Variants in CWC22 observed in about 807,000 individuals in gnomAD.
CWC22 encodes the protein pre-mRNA-splicing factor CWC22 homolog.
Under a neutral mutation model 117.2 loss-of-function variants are expected in CWC22, and 53 were observed. That is an observed-to-expected ratio of 0.45 (90% CI 0.36 to 0.57). The LOEUF (loss-of-function observed/expected upper bound fraction) is 0.57. Among genes scored for constraint, CWC22 ranks in the 20% least tolerant of loss-of-function variants. The pLI is 0.00. For synonymous variants in CWC22, 360 were observed against 355.6 expected (o/e 1.01, Z -0.14); for missense variants, 980 against 1,068.8 (o/e 0.92, Z 1.16).
chr2:179,980,481 G>A lies in CWC22; in HGVS notation c.452+1271C>T, dbSNP rs1024593153. On this transcript the variant is annotated intron_variant, in intron 5 of 19. Coordinates refer to ENST00000410053, the MANE Select transcript of CWC22 (RefSeq NM_020943.3). ...TGCCCAGGCTGGAGTGCAGTGGTGCGATCTCGGCTCACTGCAAGCTCCGCC... is the reference window on the plus strand; with the variant it reads ...TGCCCAGGCTGGAGTGCAGTGGTGCAATCTCGGCTCACTGCAAGCTCCGCC... Among the ~76,000 whole-genome samples the A allele has an allele frequency of 5.4e-5, 8 of 148,178 alleles. No homozygotes were observed. In the East Asian group the frequency reaches 5.9e-4, roughly 11 times the overall value.
At chr2:179,946,512 C>G (rs1422722636) in intron 19 of CWC22, among the ~76,000 whole-genome samples, 1 of 147,688 alleles carries the variant, frequency 6.8e-6, no homozygotes, top group East Asian at 2.0e-4. Flanking sequence ...TATATAATAT[C>G]TCAACATTAG....
intron 13 of CWC22, 118 bp from the exon 14 acceptor site, chr2:179,959,200 G>A (rs751912322): frequency 3.5e-5 from 23 of 654,238 alleles, no homozygotes; most frequent in Non-Finnish European, 5.6e-5. Flanking sequence ...ATTTCATATT[G>A]TTGTACTGTG....
At position 179,946,558 on chromosome 2, in the gene CWC22, C is replaced by T. The variant is rs145739191; in HGVS notation, c.2141-843G>A. On this transcript the variant is annotated intron_variant, in intron 19 of 19. Transcript: ENST00000410053. ...ACTGTTTTGATCTCGAGATTTAAGA[C>T]AGTAAACAGAAATTTTATAGCAAAT... Among the ~76,000 whole-genome samples, 861 of 150,462 alleles carry T rather than the reference C, an allele frequency of 5.7e-3. 7 individuals are homozygous for T. Among genetic ancestry groups the T allele is most frequent in the African/African-American group, 0.02 (797 of 40,840 alleles).
At chr2:179,946,482 A>AGGGGGGG (rs1686306320) in intron 19 of CWC22, among the ~76,000 whole-genome samples, 1 of 59,534 alleles carries the variant, frequency 1.7e-5, no homozygotes, top group South Asian at 6.3e-4. Context: ...GGGGAAGGGG[A>AGGGGGGG]GGGGAGGGAG....
At chr2:179,953,975 A>G (rs1479689145) in intron 16 of CWC22, among the ~76,000 whole-genome samples, 1 of 152,096 alleles carries the variant, frequency 6.6e-6, no homozygotes. Context: ...TCACTATCGA[A>G]ACACTGGCAT....
intron 5 of CWC22, among the ~76,000 whole-genome samples, chr2:179,978,857 C>T (rs549328905): frequency 7.0e-6 from 1 of 143,042 alleles, no homozygotes; most frequent in African/African-American, 2.5e-5. Flanking sequence ...AATCATGGGG[C>T]TGAATTACCT....
chr2:179,968,010 G>A (rs112111221), intron 11 of CWC22, among the ~76,000 whole-genome samples: 9 of 152,270 alleles, frequency 5.9e-5, no homozygotes, highest in African/African-American at 1.7e-4. Flanking sequence ...GTGAGCTTGT[G>A]AGTTCCCCGA....
intron 13 of CWC22, among the ~76,000 whole-genome samples, chr2:179,962,695 C>G (rs1345470554): frequency 6.6e-6 from 1 of 151,528 alleles, no homozygotes; most frequent in Non-Finnish European, 1.5e-5. Flanking sequence ...ATATTTATAT[C>G]TTTAGGAAAT....
At chr2:179,987,341 C>G (rs1346067478) in intron 3 of CWC22, among the ~76,000 whole-genome samples, 1 of 152,016 alleles carries the variant, frequency 6.6e-6, no homozygotes, top group Non-Finnish European at 1.5e-5. Context: ...TTATTTGAAT[C>G]TTAAAAGTCA....
intron 1 of CWC22, among the ~76,000 whole-genome samples, chr2:179,994,546 C>T (rs16867135): frequency 0.011 from 1,680 of 152,214 alleles, 38 homozygotes; most frequent in African/African-American, 0.038. Flanking sequence ...TGATACAGAG[C>T]GGCTGTCATT....
At chr2:179,979,286 A>AACC (rs1687229664) in intron 5 of CWC22, among the ~76,000 whole-genome samples, 1 of 151,736 alleles carries the variant, frequency 6.6e-6, no homozygotes, top group African/African-American at 2.4e-5. Flanking sequence ...CACATTAAAC[A>AACC]AGAACTGGCA....
intron 1 of CWC22, among the ~76,000 whole-genome samples, chr2:179,994,716 G>C (rs751837275): frequency 3.3e-5 from 5 of 152,208 alleles, no homozygotes; most frequent in Non-Finnish European, 7.3e-5. Context: ...TACAGTTAAA[G>C]AGACAAATGT....
intron 1 of CWC22, among the ~76,000 whole-genome samples, chr2:179,999,702 A>G (rs1224892880): frequency 6.6e-6 from 1 of 152,172 alleles, no homozygotes; most frequent in Non-Finnish European, 1.5e-5. Context: ...TAAAATTGCT[A>G]AAGGAAAGGG....
Position 179,981,979 on chromosome 2 carries a change from T to C in CWC22, c.225A>G (p.Lys75=). The change falls in exon 5 of 20, where the codon AAA becomes AAG. Residue 75 remains lysine (K), a synonymous_variant. Coordinates refer to ENST00000410053, the MANE Select transcript of CWC22 (RefSeq NM_020943.3). ...SMESRNRDRE[K]RRERERDTDR... Reference sequence around the variant, plus strand: ...CCGTATCTCTTTCTCTTTCTCTGCGTTTTTCTCGGTCCCTGTTTCTGTAAT... The same window carrying C: ...CCGTATCTCTTTCTCTTTCTCTGCGCTTTTCTCGGTCCCTGTTTCTGTAAT... The C allele has an allele frequency of 6.5e-7, 1 of 1,541,398 alleles. No individual in the cohort carries two copies. The highest frequency in any genetic ancestry group is 8.8e-7 in the Non-Finnish European group (1 of 1,137,808).
At chr2:179,947,454 T>C (rs906997567) in intron 19 of CWC22, among the ~76,000 whole-genome samples, 3 of 152,194 alleles carry the variant, frequency 2.0e-5, no homozygotes, top group Non-Finnish European at 4.4e-5. Flanking sequence ...AATTTCCTAA[T>C]TTTGGGGCAG....
Position 179,986,723 on chromosome 2 carries a change from G to C in CWC22, c.178C>G (p.Arg60Gly). Residue 60 changes from arginine to glycine, a missense_variant, in exon 4 of 20, where the codon CGT (arginine) becomes GGT (glycine). This residue lies in a region of CWC22 where 559 missense variants were observed against 602.3 expected (regional missense o/e 0.93). Coordinates refer to ENST00000410053, the MANE Select transcript of CWC22 (RefSeq NM_020943.3). ...GACTCCATGCTACTATCATAAGAAC[G>C]TCCTCTTCTTGAATGCTCATAGTCT... ...RSDYEHSRRGRSYDSSMESRN... is the reference protein window; with the variant it reads ...RSDYEHSRRGGSYDSSMESRN... The C allele has an allele frequency of 6.2e-7, 1 of 1,602,370 alleles. No individual in the cohort carries two copies. Among genetic ancestry groups the C allele is most frequent in the Non-Finnish European group, 8.5e-7 (1 of 1,171,364 alleles).
intron 1 of CWC22, among the ~76,000 whole-genome samples, chr2:180,001,726 T>G (rs1201821728): frequency 1.3e-5 from 2 of 152,204 alleles, no homozygotes; most frequent in African/African-American, 4.8e-5. Context: ...GTAACTTTTT[T>G]TCTTGTTGCT....
At position 179,978,267 on chromosome 2, in the gene CWC22, G is replaced by A. The variant is rs563902488; in HGVS notation, c.504C>T (p.Gly168=). 5.8e-6 allele frequency: 9 copies of A among 1,563,300 alleles called. No individual in the cohort carries two copies. In the South Asian group the frequency reaches 9.8e-5, roughly 17 times the overall value. Residue 168 remains glycine (G), a synonymous_variant, in exon 6 of 20, where the codon GGC becomes GGT. Transcript: ENST00000410053. ...TGGAAATGTTGACTTTGTTGATAAG[G>A]CCATTAATTGACTTCTTCAGGGCCT... is the stretch of plus-strand genomic sequence containing the variant. ...SWEALKKSIN[G]LINKVNISNI... is the part of the protein sequence containing the mutation.
chr2:179,954,158 G>A (rs758693329), intron 16 of CWC22, 47 bp downstream of exon 16: 26 of 1,450,698 alleles, frequency 1.8e-5, no homozygotes, highest in Non-Finnish European at 2.4e-5. Context: ...ATCTATTTGA[G>A]AACAGGGAAT....
Sources: gnomAD v4.1 joint callset for allele counts (sites outside exome capture counted in the v4.1 genomes callset) on GRCh38, gnomAD v4.1.1 for gene constraint, gnomAD v4.1.1 regional missense constraint, MANE v1.5 for transcripts, NCBI Gene and HGNC (gene_info 2026-07-23, HGNC 2026-07-21) for gene names.